The following PPP1R37 variants were observed in gnomAD, a reference collection of about 807,000 sequenced individuals.
PPP1R37 encodes the protein leucine rich repeat containing 68.
In PPP1R37, 21 loss-of-function variants were observed where a neutral mutation model predicts 61.0. The ratio of observed to expected loss-of-function variants is 0.34; its 90% CI spans 0.24 to 0.50. The LOEUF (loss-of-function observed/expected upper bound fraction) is 0.50. PPP1R37 is among the 20% of genes least tolerant of loss of function. The pLI is 0.98. For synonymous variants in PPP1R37, 443 were observed against 433.5 expected (o/e 1.02, Z -0.27); for missense variants, 910 against 952.7 (o/e 0.96, Z 0.59).
intron 1 of PPP1R37, among the ~76,000 whole-genome samples, chr19:45,109,295 G>A (rs1273749966): frequency 6.6e-6 from 1 of 152,182 alleles, no homozygotes; most frequent in Non-Finnish European, 1.5e-5. Flanking sequence ...CTATTTCACC[G>A]AGTCATCATA....
At chr19:45,126,508 G>T (rs1363242052) in intron 1 of PPP1R37, among the ~76,000 whole-genome samples, 1 of 152,176 alleles carries the variant, frequency 6.6e-6, no homozygotes, top group Non-Finnish European at 1.5e-5. Flanking sequence ...CCATGTTGGT[G>T]GTTATTTATT....
chr19:45,139,000 G>A (rs1968575085), intron 2 of PPP1R37, among the ~76,000 whole-genome samples: 1 of 131,466 alleles, frequency 7.6e-6, no homozygotes, highest in South Asian at 2.3e-4. Flanking sequence ...TGCAACCTCT[G>A]CCTCCTGGGT....
intron 1 of PPP1R37, among the ~76,000 whole-genome samples, chr19:45,096,418 C>CT: frequency 6.6e-6 from 1 of 152,108 alleles, no homozygotes; most frequent in East Asian, 1.9e-4. Flanking sequence ...CTCCAAGCCT[C>CT]TGTTTCTTTC....
chr19:45,138,624 C>A lies in PPP1R37; in HGVS notation c.300+13C>A. 5 of 1,412,246 alleles carry A rather than the reference C, an allele frequency of 3.5e-6. No homozygotes were observed. Among genetic ancestry groups the A allele is most frequent in the South Asian group, 1.2e-5 (1 of 81,598 alleles). 87.5% of individuals were successfully genotyped at this position (1,412,246 alleles called of 1,614,324 possible). A position where few individuals can be genotyped will look rare whatever the true frequency, so the allele number is the denominator to read the frequency against. ...CAGGCAGCTGCAGGTATGGGCGGGA[C>A]AGGGTGGGTGCGTCCGGTGTGGGTG... is the stretch of plus-strand genomic sequence containing the variant. On this transcript the variant is annotated intron_variant, in intron 2 of 12. Transcript: ENST00000221462.
intron 1 of PPP1R37, among the ~76,000 whole-genome samples, chr19:45,137,719 C>G (rs939778829): frequency 1.3e-5 from 2 of 152,114 alleles, no homozygotes; most frequent in African/African-American, 2.4e-5. Flanking sequence ...GAGTTCAAAG[C>G]CCGGCTCGCA....
At position 45,145,741 on chromosome 19, in the gene PPP1R37, C is replaced by T. The variant is rs1050238894; in HGVS notation, c.1685C>T (p.Pro562Leu). ...GAGCAGCGGATTTCCGTGTCCAGCCCGGGCCGGGGCCACAAGGTGTTTGTG... is the reference window on the plus strand; with the variant it reads ...GAGCAGCGGATTTCCGTGTCCAGCCTGGGCCGGGGCCACAAGGTGTTTGTG... ...PTEQRISVSS[P>L]GRGHKVFVVT... is the part of the protein sequence containing the mutation. Residue 562 changes from proline (P) to leucine (L), a missense_variant, in exon 11 of 13, where the codon CCG becomes CTG. By Grantham distance (98) the Pro-to-Leu change is moderately conservative (BLOSUM62 -3). Coordinates refer to ENST00000221462, the MANE Select transcript of PPP1R37 (RefSeq NM_019121.2). 6.5e-6 allele frequency: 10 copies of T among 1,529,548 alleles called. No individual in the cohort carries two copies. The highest frequency in any genetic ancestry group is 1.7e-4 in the Middle Eastern group (1 of 5,868). The allele number at this position is 1,529,548 out of a possible 1,614,324, so 94.7% of individuals were successfully genotyped here.
At position 45,145,053 on chromosome 19, in the gene PPP1R37, G is replaced by T; in HGVS notation, c.1130-41G>T. ...GGTGGGCTCAGCCGGGCGGCCAGCCGGGTGTGGGGCCCGTGGCCAGCCCCT... is the reference window on the plus strand; with the variant it reads ...GGTGGGCTCAGCCGGGCGGCCAGCCTGGTGTGGGGCCCGTGGCCAGCCCCT... On this transcript the variant is annotated intron_variant, in intron 9 of 12. Coordinates refer to ENST00000221462, the MANE Select transcript of PPP1R37 (RefSeq NM_019121.2). The T allele has an allele frequency of 3.3e-6, 5 of 1,521,384 alleles. No homozygotes were observed. The South Asian group carries it at 4.9e-5, about 15-fold the overall frequency. 94.2% of individuals were successfully genotyped at this position (1,521,384 alleles called of 1,614,324 possible).
chr19:45,133,996 C>T (rs964716928), intron 1 of PPP1R37, among the ~76,000 whole-genome samples: 4 of 152,162 alleles, frequency 2.6e-5, no homozygotes, highest in Non-Finnish European at 5.9e-5. Flanking sequence ...TATTTTGACC[C>T]ACGCCTGCTC....
In PPP1R37 at chr19:45,138,504, G is replaced by A; in HGVS notation, c.203-10G>A. The A allele has an allele frequency of 3.3e-6, 5 of 1,534,490 alleles. No homozygotes were observed. Among genetic ancestry groups the A allele is most frequent in the South Asian group, 1.2e-5 (1 of 83,994 alleles). On this transcript the variant is annotated splice_polypyrimidine_tract_variant and intron_variant, in intron 1 of 12. Transcript: ENST00000221462. ...GGACAGTCACAGGCCTGGGTCCCCT[G>A]TGCCTGCAGCCCAGAATGTGACCGT...
At chr19:45,139,111 T>A (rs1415322242) in intron 2 of PPP1R37, among the ~76,000 whole-genome samples, 1 of 151,864 alleles carries the variant, frequency 6.6e-6, no homozygotes, top group Non-Finnish European at 1.5e-5. Flanking sequence ...GAGACGGGGT[T>A]TCGCCATGTT....
At chr19:45,097,988 T>C (rs761724293) in intron 1 of PPP1R37, among the ~76,000 whole-genome samples, 2 of 152,170 alleles carry the variant, frequency 1.3e-5, no homozygotes, top group Non-Finnish European at 2.9e-5. Context: ...GCATGGGTTC[T>C]TGCAGAGCAT....
chr19:45,096,342 G>A (rs1358890291), intron 1 of PPP1R37, among the ~76,000 whole-genome samples: 1 of 152,028 alleles, frequency 6.6e-6, no homozygotes, highest in East Asian at 1.9e-4. Context: ...GGCTTTGGGG[G>A]GTAAAGTTTC....
At chr19:45,101,961 C>T (rs1568439441) in intron 1 of PPP1R37, among the ~76,000 whole-genome samples, 1 of 152,250 alleles carries the variant, frequency 6.6e-6, no homozygotes, top group Non-Finnish European at 1.5e-5. Context: ...TTTCCCATAG[C>T]ACCTCTGAGG....
At chr19:45,117,663 C>T (rs911920439) in intron 1 of PPP1R37, among the ~76,000 whole-genome samples, 3 of 152,170 alleles carry the variant, frequency 2.0e-5, no homozygotes, top group Non-Finnish European at 4.4e-5. Context: ...AGTTCTGAAG[C>T]GCTGACTGGT....
intron 1 of PPP1R37, among the ~76,000 whole-genome samples, chr19:45,131,407 G>A (rs1425854577): frequency 6.6e-6 from 1 of 152,212 alleles, no homozygotes; most frequent in Non-Finnish European, 1.5e-5. Context: ...CAAGGGAGCC[G>A]AGAGTTGAGC....
chr19:45,143,300 G>A (rs1204357969), intron 7 of PPP1R37: 1 of 506,618 alleles, frequency 2.0e-6, no homozygotes, highest in Non-Finnish European at 3.6e-6. Context: ...TTTGAGCAAA[G>A]ATCAGAAGCA....
intron 1 of PPP1R37, among the ~76,000 whole-genome samples, chr19:45,104,143 C>A (rs948117627): frequency 7.2e-5 from 11 of 152,202 alleles, no homozygotes; most frequent in African/African-American, 2.4e-4. Context: ...CCAACTCCCC[C>A]TCCCGTGCTG....
In PPP1R37 at chr19:45,130,974, G is replaced by C. The variant is rs780552738; in HGVS notation, c.203-7540G>C. On this transcript the variant is annotated intron_variant, in intron 1 of 12. Coordinates refer to ENST00000221462, the MANE Select transcript of PPP1R37 (RefSeq NM_019121.2). This position sits in a 1 kb window ranked among gnomAD's most constrained non-coding sequence, Gnocchi z 4.4. ...CTTCCTGGTGTTTTGACTCCCACTT[G>C]GATGACTGTGTCTGTTTCCCCCGCC... 9.9e-5 allele frequency among the ~76,000 whole-genome samples: 15 copies of C among 152,230 alleles called. No homozygotes were observed. Among genetic ancestry groups the C allele is most frequent in the South Asian group, 2.1e-4 (1 of 4,828 alleles).
chr19:45,098,951 C>G (rs992616690), intron 1 of PPP1R37, among the ~76,000 whole-genome samples: 4 of 152,160 alleles, frequency 2.6e-5, no homozygotes, highest in Non-Finnish European at 4.4e-5. Flanking sequence ...AGCCACGTGA[C>G]TTTGGCGATT....
Sources: gnomAD v4.1 joint callset for allele counts (sites outside exome capture counted in the v4.1 genomes callset) on GRCh38, gnomAD v4.1.1 for gene constraint, Gnocchi (gnomAD v3.1) non-coding constraint, MANE v1.5 for transcripts, NCBI Gene and HGNC (gene_info 2026-07-23, HGNC 2026-07-21) for gene names.